Variants in AMMECR1 observed in about 807,000 individuals in gnomAD.
AMMECR1 encodes the protein AMMECR nuclear protein 1.
AMMECR1 carries 3 observed loss-of-function variants against 22.5 expected under a neutral mutation model. The observed-to-expected ratio is 0.13, with a 90% confidence interval of 0.06 to 0.35. The LOEUF (loss-of-function observed/expected upper bound fraction) is 0.35. Ranked by LOEUF, AMMECR1 falls within the 10% of genes least tolerant of loss-of-function variation. The pLI, the probability that AMMECR1 is intolerant of heterozygous loss-of-function variation, is 1.00. For missense variants in AMMECR1, 235 were observed against 278.7 expected, an observed-to-expected ratio of 0.84 and a Z score of 1.12; for synonymous variants, 130 against 116.7, an observed-to-expected ratio of 1.11 and a Z score of -0.74.
chrX:110,308,259 A>G (rs1329148762), intron 1 of AMMECR1, among the ~76,000 whole-genome samples: 1 of 111,644 alleles, frequency 9.0e-6, no homozygotes, highest in Non-Finnish European at 1.9e-5. Flanking sequence ...TAAAACATAA[A>G]AAGCACTCCT....
chrX:110,402,004 A>G lies in AMMECR1; in HGVS notation c.-148+24654T>C, dbSNP rs951929163. 1.2e-4 allele frequency among the ~76,000 whole-genome samples: 13 copies of G among 111,668 alleles called. No homozygotes were observed. In the Admixed American group the frequency reaches 1.2e-3, roughly 11 times the overall value. On this transcript the variant is annotated intron_variant, in intron 2 of 7. Transcript: ENST00000372057. ...TCTCACCAACAAGTCTCTTTCTTCA[A>G]AGTCTCCCTTTCCTTTCCCAACTCC... is the stretch of plus-strand genomic sequence containing the variant.
At chrX:110,388,972 A>G (rs1304972571) in intron 2 of AMMECR1, among the ~76,000 whole-genome samples, 2 of 112,433 alleles carry the variant, frequency 1.8e-5, no homozygotes, top group Non-Finnish European at 3.8e-5. Context: ...GCAGTGTCCA[A>G]AGAATAAGTA....
Position 110,428,129 on chromosome X carries a change from T to G in AMMECR1, c.-293-1326A>C, listed in dbSNP as rs186546817. The stretch of plus-strand genomic sequence containing the variant: ...CACCTGGCACACAGTAGATGTTCCA[T>G]GATTCTGTACATCCTGTTCCCTCTT... On this transcript the variant is annotated intron_variant, in intron 1 of 7. Coordinates refer to the AMMECR1 transcript ENST00000372057. Among the ~76,000 whole-genome samples the G allele has an allele frequency of 6.7e-3, 749 of 112,342 alleles. 6 individuals are homozygous for G. Among genetic ancestry groups the G allele is most frequent in the Non-Finnish European group, 9.1e-3 (482 of 53,256 alleles).
chrX:110,286,363 A>G (rs2067879909), intron 1 of AMMECR1, among the ~76,000 whole-genome samples: 1 of 111,082 alleles, frequency 9.0e-6, no homozygotes, highest in South Asian at 3.9e-4. Context: ...CAATGGGCAC[A>G]TGACCATTAA....
intron 3 of AMMECR1, among the ~76,000 whole-genome samples, chrX:110,206,910 G>A (rs1170315563): frequency 1.8e-5 from 2 of 111,936 alleles, no homozygotes; most frequent in Non-Finnish European, 3.8e-5. Context: ...TCAAAGAATC[G>A]AAAGTTGTTT....
chrX:110,304,514 T>C (rs1446495119), intron 1 of AMMECR1, among the ~76,000 whole-genome samples: 2 of 112,353 alleles, frequency 1.8e-5, no homozygotes, highest in Non-Finnish European at 1.9e-5. Context: ...ACTCAGGCAG[T>C]GTGACATAAC....
chrX:110,292,902 T>C (rs2067916366), intron 1 of AMMECR1, among the ~76,000 whole-genome samples: 1 of 111,890 alleles, frequency 8.9e-6, no homozygotes, highest in African/African-American at 3.2e-5. Context: ...CACTCAGGTG[T>C]GGGGTGTTGT....
intron 2 of AMMECR1, among the ~76,000 whole-genome samples, chrX:110,401,427 C>A (rs1224842868): frequency 2.7e-5 from 3 of 111,781 alleles, no homozygotes; most frequent in Non-Finnish European, 3.8e-5. Flanking sequence ...TCCTCTAAGA[C>A]CTTGACCTCT....
chrX:110,228,312 G>T (rs750867188), intron 2 of AMMECR1, among the ~76,000 whole-genome samples: 2 of 111,228 alleles, frequency 1.8e-5, no homozygotes, highest in Admixed American at 9.6e-5. Context: ...TGTCCTCCAA[G>T]AACAAGGCCC....
intron 1 of AMMECR1, among the ~76,000 whole-genome samples, chrX:110,302,157 A>G (rs2067970445): frequency 1.8e-5 from 2 of 111,926 alleles, no homozygotes; most frequent in South Asian, 7.5e-4. Flanking sequence ...TAAGAGAAAA[A>G]GATACCTTCT....
chrX:110,394,895 G>C (rs2068518769), intron 2 of AMMECR1, among the ~76,000 whole-genome samples: 1 of 112,878 alleles, frequency 8.9e-6, no homozygotes, highest in Non-Finnish European at 1.9e-5. Context: ...GGAACAGTGG[G>C]GCTGTGTGTG....
chrX:110,365,431 G>A (rs7054756), intron 2 of AMMECR1, among the ~76,000 whole-genome samples: 8,226 of 111,830 alleles, frequency 0.074, 434 homozygotes, highest in African/African-American at 0.18. Flanking sequence ...TTCTTGTAGC[G>A]TGATCTATAT....
intron 1 of AMMECR1, among the ~76,000 whole-genome samples, chrX:110,301,085 T>C (rs1200152464): frequency 1.8e-5 from 2 of 111,748 alleles, no homozygotes; most frequent in Non-Finnish European, 3.8e-5. Flanking sequence ...TTTTAAACAA[T>C]ATAAAGTGGA....
chrX:110,242,293 C>G (rs1200781125), intron 2 of AMMECR1, among the ~76,000 whole-genome samples: 3 of 111,741 alleles, frequency 2.7e-5, no homozygotes, highest in Non-Finnish European at 5.6e-5. Flanking sequence ...AATATCAGAA[C>G]TACCAAATGT....
chrX:110,313,406 C>G (rs2068033142), intron 1 of AMMECR1, among the ~76,000 whole-genome samples: 1 of 112,185 alleles, frequency 8.9e-6, no homozygotes, highest in Non-Finnish European at 1.9e-5. Flanking sequence ...GTTCAAGTAA[C>G]GTGACACGCA....
At chrX:110,378,867 C>A (rs2068397900) in intron 2 of AMMECR1, among the ~76,000 whole-genome samples, 1 of 110,871 alleles carries the variant, frequency 9.0e-6, no homozygotes, top group African/African-American at 3.3e-5. Flanking sequence ...CTCCTAACAG[C>A]AAGCACAGCT....
upstream of AMMECR1, among the ~76,000 whole-genome samples, chrX:110,320,246 A>G (rs2068073935): frequency 8.9e-6 from 1 of 111,777 alleles, no homozygotes. Context: ...CACCACAACA[A>G]CTGGTATGTT....
At chrX:110,251,746 C>T (rs2067687199) in intron 2 of AMMECR1, among the ~76,000 whole-genome samples, 2 of 111,404 alleles carry the variant, frequency 1.8e-5, no homozygotes, top group Admixed American at 9.6e-5. Context: ...AGACTGATAG[C>T]GTTTTGCTCA....
At chrX:110,359,589 G>T (rs746500868) in intron 2 of AMMECR1, among the ~76,000 whole-genome samples, 11 of 111,362 alleles carry the variant, frequency 9.9e-5, no homozygotes, top group South Asian at 3.8e-4. Context: ...TAATGTTCTT[G>T]TCCATTGCAC....
Sources: gnomAD v4.1 joint callset for allele counts (sites outside exome capture counted in the v4.1 genomes callset) on GRCh38, gnomAD v4.1.1 for gene constraint, MANE v1.5 for transcripts, NCBI Gene and HGNC (gene_info 2026-07-23, HGNC 2026-07-21) for gene names.